ZNF618: variants seen among roughly 807,000 people sequenced by gnomAD.
ZNF618 encodes zinc finger protein 618.
In ZNF618, 34 loss-of-function variants were observed where a neutral mutation model predicts 103.0. The observed-to-expected ratio is 0.33, with a 90% CI of 0.25 to 0.44. The LOEUF (loss-of-function observed/expected upper bound fraction) is 0.44. Ranked by LOEUF, ZNF618 falls within the 20% of genes least tolerant of loss-of-function variation. ZNF618 has a pLI of 1.00. For synonymous variants in ZNF618, 551 were observed against 542.2 expected (o/e 1.02, Z -0.23); for missense variants, 1,059 against 1,295.4 (o/e 0.82, Z 2.80).
chr9:113,931,339 G>GT (rs1464649783), intron 1 of ZNF618, among the ~76,000 whole-genome samples: 1 of 152,200 alleles, frequency 6.6e-6, no homozygotes, highest in Non-Finnish European at 1.5e-5. Flanking sequence ...TGAAGATTGA[G>GT]TAGGAGGTCT....
intron 1 of ZNF618, among the ~76,000 whole-genome samples, chr9:113,876,795 T>C (rs1827988089): frequency 8.8e-6 from 1 of 113,884 alleles, no homozygotes; most frequent in Admixed American, 1.0e-4. Flanking sequence ...AATTTTCCCC[T>C]GACCCTCTCT....
intron 3 of ZNF618, among the ~76,000 whole-genome samples, chr9:113,992,251 G>A (rs1840140117): frequency 6.6e-6 from 1 of 152,090 alleles, no homozygotes; most frequent in African/African-American, 2.4e-5. Context: ...CTGTCAATTT[G>A]GTACCCATGA....
intron 10 of ZNF618, among the ~76,000 whole-genome samples, chr9:114,019,186 C>G (rs1406770339): frequency 1.3e-5 from 2 of 149,164 alleles, no homozygotes; most frequent in Non-Finnish European, 3.0e-5. Context: ...ATCAGTTGTT[C>G]ATTCTTTTTT....
chr9:113,975,130 A>G (rs1238509734), intron 2 of ZNF618, among the ~76,000 whole-genome samples: 1 of 152,086 alleles, frequency 6.6e-6, no homozygotes, highest in Non-Finnish European at 1.5e-5. Flanking sequence ...TGGACATTGG[A>G]GAGAGGGCTG....
chr9:113,899,171 A>G (rs1564144441), intron 1 of ZNF618, among the ~76,000 whole-genome samples: 1 of 151,276 alleles, frequency 6.6e-6, no homozygotes, highest in African/African-American at 2.4e-5. Flanking sequence ...TATTAAATTT[A>G]CCATCTTAAC....
intron 1 of ZNF618, among the ~76,000 whole-genome samples, chr9:113,886,075 T>G (rs1049056735): frequency 1.3e-5 from 2 of 152,086 alleles, no homozygotes; most frequent in African/African-American, 4.8e-5. Context: ...CAGGGAGGAA[T>G]GAAACCTGGT....
intron 1 of ZNF618, among the ~76,000 whole-genome samples, chr9:113,892,928 C>T (rs1357373100): frequency 6.6e-6 from 1 of 152,178 alleles, no homozygotes; most frequent in Admixed American, 6.5e-5. Context: ...TCTGGACTGT[C>T]TGTTGTGTTC....
In ZNF618 at chr9:114,052,367, G is replaced by C. The variant is rs1485632165; in HGVS notation, c.*2200G>C. 6.6e-6 allele frequency: 1 copy of C among 152,546 alleles called. No homozygotes were observed. Among genetic ancestry groups the C allele is most frequent in the Non-Finnish European group, 1.5e-5 (1 of 68,052 alleles). 9.4% of individuals were successfully genotyped at this position (152,546 alleles called of 1,614,324 possible). On this transcript the variant is annotated 3_prime_UTR_variant, in exon 15 of 15. Transcript: ENST00000374126. ...ATTTCCTCTCCTGGAGAAGTTCTAG[G>C]TATTACCTCCACAACATTTCCAACT...
intron 10 of ZNF618, among the ~76,000 whole-genome samples, chr9:114,024,719 C>G (rs1279244265): frequency 6.6e-6 from 1 of 152,154 alleles, no homozygotes; most frequent in Non-Finnish European, 1.5e-5. Context: ...TCTTCACTCA[C>G]TACACAGCCC....
intron 12 of ZNF618, chr9:114,035,171 A>T (rs1772263287): frequency 1.0e-6 from 1 of 985,768 alleles, no homozygotes; most frequent in Non-Finnish European, 1.2e-6. Flanking sequence ...AGAGATGGCT[A>T]AACTGTTTCT....
At chr9:113,923,884 T>TA (rs1832856474) in intron 1 of ZNF618, among the ~76,000 whole-genome samples, 1 of 152,074 alleles carries the variant, frequency 6.6e-6, no homozygotes. Flanking sequence ...TGGGCACCCT[T>TA]AATCCAAAAA....
chr9:113,967,028 T>G (rs1837472476), intron 1 of ZNF618, among the ~76,000 whole-genome samples: 1 of 152,216 alleles, frequency 6.6e-6, no homozygotes, highest in Non-Finnish European at 1.5e-5. Context: ...CCACACTCTG[T>G]CACGTGTTTG....
intron 1 of ZNF618, among the ~76,000 whole-genome samples, chr9:113,948,228 C>T (rs1226881636): frequency 6.6e-6 from 1 of 152,196 alleles, no homozygotes; most frequent in African/African-American, 2.4e-5. Context: ...ATTGTCAACC[C>T]TGGATGGGTA....
At chr9:114,016,572 C>A in intron 9 of ZNF618, 123 bp from the exon 10 acceptor site, 1 of 714,218 alleles carries the variant, frequency 1.4e-6, no homozygotes, top group South Asian at 1.7e-5. Context: ...ACTCCAGAGT[C>A]AGAATTGATT....
intron 13 of ZNF618, 132 bp from the exon 14 acceptor site, chr9:114,047,761 C>A: frequency 1.5e-6 from 1 of 672,362 alleles, no homozygotes; most frequent in Non-Finnish European, 2.6e-6. Context: ...TAAGGAGGAG[C>A]CAGGATTTTA....
intron 2 of ZNF618, among the ~76,000 whole-genome samples, chr9:113,986,042 G>GC (rs1839441048): frequency 6.6e-6 from 1 of 152,222 alleles, no homozygotes; most frequent in Non-Finnish European, 1.5e-5. Flanking sequence ...GCCCTGATGG[G>GC]ACAGACACAT....
intron 1 of ZNF618, among the ~76,000 whole-genome samples, chr9:113,959,884 C>G (rs1314111931): frequency 6.6e-6 from 1 of 152,234 alleles, no homozygotes; most frequent in Non-Finnish European, 1.5e-5. Context: ...GCTGGGATTA[C>G]AGGCGTGAGC....
At chr9:113,890,980 G>A (rs887929787) in intron 1 of ZNF618, among the ~76,000 whole-genome samples, 1 of 152,082 alleles carries the variant, frequency 6.6e-6, no homozygotes, top group African/African-American at 2.4e-5. Flanking sequence ...CATTTTTAAA[G>A]AAAAGCTCTT....
At chr9:114,016,551 G>C in intron 9 of ZNF618, 144 bp from the exon 10 acceptor site, 1 of 662,616 alleles carries the variant, frequency 1.5e-6, no homozygotes. Context: ...GATTTGAATA[G>C]GGGTCTTCTA....
Sources: allele counts gnomAD v4.1 joint callset (sites outside exome capture counted in the v4.1 genomes callset), GRCh38; gene constraint gnomAD v4.1.1; transcripts MANE v1.5; gene names NCBI Gene and HGNC (gene_info 2026-07-23, HGNC 2026-07-21).